The following RBFOX1 variants were observed in gnomAD, a reference collection of about 807,000 sequenced individuals.
The protein encoded by RBFOX1 is RNA binding protein fox-1 homolog 1.
Under a neutral mutation model 57.7 loss-of-function variants are expected in RBFOX1, and 8 were observed. The observed-to-expected ratio is 0.14, with a 90% confidence interval of 0.08 to 0.25. RBFOX1 has a LOEUF of 0.25. Among genes scored for constraint, RBFOX1 ranks in the 10% least tolerant of loss-of-function variants. The pLI is 1.00. For missense variants in RBFOX1, 611 were observed against 548.5 expected (o/e 1.11, Z -1.14); for synonymous variants, 326 against 222.4 (o/e 1.47, Z -4.15).
At chr16:6,964,484 T>A (rs2083675642) in intron 3 of RBFOX1, among the ~76,000 whole-genome samples, 2 of 152,162 alleles carry the variant, frequency 1.3e-5, no homozygotes, top group South Asian at 2.1e-4. Flanking sequence ...TATATGGTTA[T>A]CAACTGTAAC....
At chr16:7,478,669 A>G (rs563315342) in intron 4 of RBFOX1, among the ~76,000 whole-genome samples, 15 of 152,216 alleles carry the variant, frequency 9.9e-5, no homozygotes, top group South Asian at 2.1e-4. Flanking sequence ...GCTTTCCGCT[A>G]TATGCAACAA....
intron 4 of RBFOX1, among the ~76,000 whole-genome samples, chr16:7,352,138 A>T (rs1245054666): frequency 1.3e-5 from 2 of 152,168 alleles, no homozygotes; most frequent in Non-Finnish European, 2.9e-5. Flanking sequence ...CGGCAGAAAC[A>T]TACTAAAGGA....
chr16:6,610,208 C>T (rs1283580308), intron 2 of RBFOX1, among the ~76,000 whole-genome samples: 1 of 152,106 alleles, frequency 6.6e-6, no homozygotes, highest in Non-Finnish European at 1.5e-5. Context: ...GCTGAGAGTG[C>T]ATCTATGTTT....
chr16:5,521,381 A>G (rs1446726113), intron 2 of RBFOX1, among the ~76,000 whole-genome samples: 1 of 152,098 alleles, frequency 6.6e-6, no homozygotes, highest in African/African-American at 2.4e-5. Flanking sequence ...GGGGGTGGAA[A>G]AAGAAAAAAG....
chr16:6,505,557 A>G (rs1449711298), intron 2 of RBFOX1, among the ~76,000 whole-genome samples: 1 of 152,186 alleles, frequency 6.6e-6, no homozygotes, highest in East Asian at 1.9e-4. Context: ...GTACAGCTAG[A>G]CAGAGATTAT....
chr16:5,647,785 T>G (rs1239047895), intron 3 of RBFOX1, among the ~76,000 whole-genome samples: 1 of 152,242 alleles, frequency 6.6e-6, no homozygotes, highest in Non-Finnish European at 1.5e-5. Context: ...GAACAGATTC[T>G]GTGTGTGCTT....
intron 3 of RBFOX1, among the ~76,000 whole-genome samples, chr16:5,673,985 A>G (rs1264388757): frequency 6.6e-6 from 1 of 152,356 alleles, no homozygotes; most frequent in Non-Finnish European, 1.5e-5. Context: ...AGGAAAGATA[A>G]CAAGTGCTTC....
At chr16:6,254,663 A>G (rs1048833374) in intron 1 of RBFOX1, among the ~76,000 whole-genome samples, 4 of 152,176 alleles carry the variant, frequency 2.6e-5, no homozygotes, top group Non-Finnish European at 4.4e-5. Flanking sequence ...ATTCCATTCA[A>G]TGGGGGAAAG....
intron 4 of RBFOX1, among the ~76,000 whole-genome samples, chr16:7,361,452 C>T (rs373217871): frequency 6.6e-6 from 1 of 152,310 alleles, no homozygotes; most frequent in East Asian, 1.9e-4. Flanking sequence ...TTTCCTTTTA[C>T]TTGGCTGAGG....
rs1272898026 is a variant in RBFOX1, at chr16:6,020,141, T to A, written c.-127+149T>A. ...GCTCTGGACGGGAACTTTTTCAGGG[T>A]GTGTGGAAAGATCTCGAGGCGTGTC... On this transcript the variant is annotated intron_variant, in intron 1 of 15. Transcript: ENST00000550418. 9.2e-6 allele frequency: 9 copies of A among 979,466 alleles called. No individual in the cohort carries two copies. The African/African-American group carries it at 1.5e-4, about 17-fold the overall frequency. 60.7% of individuals were successfully genotyped at this position (979,466 alleles called of 1,614,324 possible).
intron 2 of RBFOX1, among the ~76,000 whole-genome samples, chr16:6,450,208 AT>A (rs1465939163): frequency 6.6e-6 from 1 of 152,062 alleles, no homozygotes; most frequent in Admixed American, 6.6e-5. Flanking sequence ...TTACCTAAGT[AT>A]TTTTTGACTC....
chr16:6,133,457 A>T (rs564216267), intron 1 of RBFOX1, among the ~76,000 whole-genome samples: 1 of 152,192 alleles, frequency 6.6e-6, no homozygotes, highest in Non-Finnish European at 1.5e-5. Flanking sequence ...GCCTCTTGGG[A>T]TGGCACCATG....
At chr16:5,400,205 C>A (rs2066675542) in intron 1 of RBFOX1, among the ~76,000 whole-genome samples, 1 of 152,144 alleles carries the variant, frequency 6.6e-6, no homozygotes, top group East Asian at 1.9e-4. Context: ...GATTCTGCTG[C>A]CTCAGCCTCT....
intron 4 of RBFOX1, among the ~76,000 whole-genome samples, chr16:5,982,016 C>G (rs932657467): frequency 3.9e-5 from 6 of 152,188 alleles, no homozygotes; most frequent in African/African-American, 7.2e-5. Context: ...TCCAAGGAGT[C>G]TATGCAGATT....
intron 3 of RBFOX1, among the ~76,000 whole-genome samples, chr16:5,835,048 G>A (rs1411102068): frequency 1.3e-5 from 2 of 152,112 alleles, no homozygotes; most frequent in African/African-American, 4.8e-5. Context: ...ATAGATATTG[G>A]TGCAGATGAA....
At chr16:7,559,062 A>G (rs1897450081) in intron 5 of RBFOX1, among the ~76,000 whole-genome samples, 1 of 152,196 alleles carries the variant, frequency 6.6e-6, no homozygotes, top group Admixed American at 6.5e-5. Context: ...TAGTAATCCT[A>G]TTTCCCTTGC....
At chr16:5,317,453 C>G (rs1219349642) in intron 1 of RBFOX1, among the ~76,000 whole-genome samples, 1 of 152,068 alleles carries the variant, frequency 6.6e-6, no homozygotes, top group East Asian at 1.9e-4. Context: ...ACTAAAAATA[C>G]AAAAAATTAG....
At chr16:6,296,422 A>ATTTT (rs541581252) in intron 1 of RBFOX1, among the ~76,000 whole-genome samples, 16 of 147,500 alleles carry the variant, frequency 1.1e-4, no homozygotes, top group African/African-American at 2.2e-4. Flanking sequence ...GAGGGGATGT[A>ATTTT]CTTTTTTTTT....
chr16:6,543,491 C>T (rs1000032481), intron 2 of RBFOX1, among the ~76,000 whole-genome samples: 2 of 152,188 alleles, frequency 1.3e-5, no homozygotes, highest in African/African-American at 4.8e-5. Context: ...TGGGAACCCA[C>T]TTGTTCCCTC....
Sources: gnomAD v4.1 joint callset for allele counts (sites outside exome capture counted in the v4.1 genomes callset) on GRCh38, gnomAD v4.1.1 for gene constraint, MANE v1.5 for transcripts, NCBI Gene and HGNC (gene_info 2026-07-23, HGNC 2026-07-21) for gene names.